The following TTC6 variants were observed in gnomAD, a reference collection of about 807,000 sequenced individuals.
The protein encoded by TTC6 is tetratricopeptide repeat protein 6.
In TTC6, 172 loss-of-function variants were observed where a neutral mutation model predicts 210.4. That is an observed-to-expected ratio of 0.82 (90% CI 0.72 to 0.93). The LOEUF (loss-of-function observed/expected upper bound fraction) is 0.93, where lower values mean the gene tolerates loss of function less well. TTC6 is among the 40% of genes least tolerant of loss of function. The pLI, the probability that TTC6 is intolerant of heterozygous loss-of-function variation, is 0.00. For missense variants in TTC6, 2,414 were observed against 2,318.1 expected (o/e 1.04, Z -0.85); for synonymous variants, 804 against 819.6 (o/e 0.98, Z 0.32).
At chr14:37,794,595 A>G (rs1468703427) in intron 17 of TTC6, among the ~76,000 whole-genome samples, 1 of 152,110 alleles carries the variant, frequency 6.6e-6, no homozygotes, top group East Asian at 1.9e-4. Flanking sequence ...TGGTAAGCAG[A>G]TTACTTTTTC....
At chr14:37,788,887 A>G (rs1380616080) in intron 15 of TTC6, among the ~76,000 whole-genome samples, 1 of 152,108 alleles carries the variant, frequency 6.6e-6, no homozygotes, top group Non-Finnish European at 1.5e-5. Context: ...TCCATCTGCC[A>G]CTGGCCACAT....
intron 28 of TTC6, 112 bp from the exon 31 acceptor site, chr14:37,827,084 A>G (rs550708620): frequency 9.1e-6 from 8 of 883,182 alleles, no homozygotes; most frequent in African/African-American, 5.2e-5. Flanking sequence ...TACATGCACT[A>G]TAAAATTACT....
Position 37,709,137 on chromosome 14 carries a change from C to G in TTC6, c.1572-5518C>G, listed in dbSNP as rs185071681. Among the ~76,000 whole-genome samples the G allele has an allele frequency of 5.1e-4, 77 of 152,062 alleles. No individual in the cohort carries two copies. The East Asian group carries it at 0.014, about 28-fold the overall frequency. ...CTCAATGATCAGGTCTAATCCTGGC[C>G]CCACCCCTACCCCTTACATGGCCTT... On this transcript the variant is annotated intron_variant, in intron 5 of 30. Coordinates refer to ENST00000553443, the Ensembl canonical transcript of TTC6.
intron 29 of TTC6, among the ~76,000 whole-genome samples, chr14:37,835,670 G>C (rs975719619): frequency 6.6e-6 from 1 of 152,174 alleles, no homozygotes; most frequent in African/African-American, 2.4e-5. Flanking sequence ...AGAAAGACAA[G>C]ATGGCTAGAA....
At chr14:37,627,046 A>G (rs2095661578) in intron 1 of TTC6, among the ~76,000 whole-genome samples, 1 of 152,072 alleles carries the variant, frequency 6.6e-6, no homozygotes, top group South Asian at 2.1e-4. Context: ...TCTCTTTGCA[A>G]CTGTGGGAGA....
chr14:37,631,412 T>C (rs2095669725), intron 1 of TTC6, among the ~76,000 whole-genome samples: 1 of 152,328 alleles, frequency 6.6e-6, no homozygotes, highest in Non-Finnish European at 1.5e-5. Flanking sequence ...TTGAAAATTC[T>C]TTGCTTTAAG....
At chr14:37,673,875 G>A (rs1256298161) in intron 1 of TTC6, among the ~76,000 whole-genome samples, 3 of 152,066 alleles carry the variant, frequency 2.0e-5, no homozygotes, top group Admixed American at 1.3e-4. Flanking sequence ...TGCGAAGTTG[G>A]ATTGCTTACA....
chr14:37,807,234 A>G (rs1036834729), intron 22 of TTC6, 86 bp from the exon 25 acceptor site: 2 of 1,256,684 alleles, frequency 1.6e-6, no homozygotes, highest in Non-Finnish European at 2.1e-6. Context: ...GGAGGCATAG[A>G]TTTGTTCCAA....
chr14:37,830,495 A>T (rs1032939688), intron 29 of TTC6, among the ~76,000 whole-genome samples: 3 of 151,188 alleles, frequency 2.0e-5, no homozygotes, highest in African/African-American at 2.4e-5. Context: ...TTTATTCTTA[A>T]TTTTTTTATT....
intron 2 of TTC6, among the ~76,000 whole-genome samples, chr14:37,607,878 T>A (rs1419051315): frequency 6.6e-6 from 1 of 152,226 alleles, no homozygotes; most frequent in Non-Finnish European, 1.5e-5. Flanking sequence ...TTTTGCTATA[T>A]GATATCTAGC....
chr14:37,802,676 C>T (rs1354799287), intron 20 of TTC6, among the ~76,000 whole-genome samples: 1 of 151,834 alleles, frequency 6.6e-6, no homozygotes, highest in Non-Finnish European at 1.5e-5. Flanking sequence ...GATAGAAAAA[C>T]GAATGCACCT....
intron 1 of TTC6, among the ~76,000 whole-genome samples, chr14:37,631,391 G>C (rs1281932645): frequency 6.6e-6 from 1 of 152,158 alleles, no homozygotes; most frequent in Non-Finnish European, 1.5e-5. Flanking sequence ...GGCTGGATAT[G>C]AAATTCTGGG....
chr14:37,841,721 T>C (rs747379633), intron 30 of TTC6, 51 bp downstream of exon 32: 2 of 1,388,556 alleles, frequency 1.4e-6, no homozygotes, highest in African/African-American at 1.5e-5. Context: ...GAAGTGATTA[T>C]TTTTAGGCTA....
chr14:37,676,822 GTTTCCCA>G (rs2095770809), intron 1 of TTC6, among the ~76,000 whole-genome samples: 1 of 151,976 alleles, frequency 6.6e-6, no homozygotes, highest in Non-Finnish European at 1.5e-5. Context: ...GAGTGTATTT[GTTTCCCA>G]TTGAATGTTT....
At chr14:37,680,839 G>T (rs932850384) in intron 2 of TTC6, among the ~76,000 whole-genome samples, 22 of 152,102 alleles carry the variant, frequency 1.4e-4, no homozygotes, top group Non-Finnish European at 2.4e-4. Flanking sequence ...TCTACAAAGA[G>T]TTCATAAAAT....
In TTC6 at chr14:37,739,551, A is replaced by G. The variant is rs1281373106; in HGVS notation, c.2363+396A>G. 2.0e-5 allele frequency among the ~76,000 whole-genome samples: 3 copies of G among 149,230 alleles called. No homozygotes were observed. In the Admixed American group the frequency reaches 2.0e-4, roughly 10 times the overall value. On this transcript the variant is annotated intron_variant, in intron 10 of 30. Transcript: ENST00000553443. ...GCCACTGCACTCCAGCATGGATGACAGAGTGAGACTCCATCTTAAAAAAAA... is the reference window on the plus strand; with the variant it reads ...GCCACTGCACTCCAGCATGGATGACGGAGTGAGACTCCATCTTAAAAAAAA...
rs1166503910 is a variant in TTC6 at position 37,735,908 on chromosome 14, C to CT, written c.1819-8dup. 2 of 1,473,140 alleles carry CT rather than the reference C, an allele frequency of 1.4e-6. No homozygotes were observed. Among genetic ancestry groups the CT allele is most frequent in the East Asian group, 2.5e-5 (1 of 40,224 alleles). 91.3% of individuals were successfully genotyped at this position (1,473,140 alleles called of 1,614,324 possible). Reference sequence around the variant, plus strand: ...CCAAAACATAATTTAAAATTGTTATCTTTTTATCACAGAGTGTTCAAGCAA... The same window carrying CT: ...CCAAAACATAATTTAAAATTGTTATCTTTTTTATCACAGAGTGTTCAAGCAA... On this transcript the variant is annotated splice_polypyrimidine_tract_variant and intron_variant, in intron 7 of 30. Transcript: ENST00000553443.
intron 3 of TTC6, 55 bp downstream of exon 5, chr14:37,683,019 C>CAGGTGTG (rs2095787301): frequency 6.7e-7 from 1 of 1,491,614 alleles, no homozygotes; most frequent in African/African-American, 1.4e-5. Flanking sequence ...TGAGGATGTG[C>CAGGTGTG]AGGTGTGAAG....
At chr14:37,783,684 G>T (rs1348946297) in intron 14 of TTC6, among the ~76,000 whole-genome samples, 2 of 152,050 alleles carry the variant, frequency 1.3e-5, no homozygotes, top group African/African-American at 4.8e-5. Flanking sequence ...TTTTGAATGT[G>T]TTTGCTCTTG....
Sources: allele counts gnomAD v4.1 joint callset (sites outside exome capture counted in the v4.1 genomes callset), GRCh38; gene constraint gnomAD v4.1.1; transcripts MANE v1.5; gene names NCBI Gene and HGNC (gene_info 2026-07-23, HGNC 2026-07-21).